Variants in USP16 observed in about 807,000 individuals in gnomAD.
USP16 encodes the protein ubiquitin specific peptidase 16.
Under a neutral mutation model 95.9 loss-of-function variants are expected in USP16, and 77 were observed. The ratio of observed to expected loss-of-function variants is 0.80; its 90% CI spans 0.67 to 0.97. The LOEUF is 0.97. Among genes scored for constraint, USP16 ranks in the 50% least tolerant of loss-of-function variants. The pLI is 0.00. For missense variants in USP16, 943 were observed against 959.9 expected (o/e 0.98, Z 0.23); for synonymous variants, 303 against 318.2 (o/e 0.95, Z 0.51).
Position 29,053,937 on chromosome 21 carries a change from C to G in USP16, c.2329C>G (p.Leu777Val). The G allele has an allele frequency of 6.2e-7, 1 of 1,614,212 alleles. No individual in the cohort carries two copies. The highest frequency in any genetic ancestry group is 8.5e-7 in the Non-Finnish European group (1 of 1,180,034). ...AAATAGTCATCTCTCTAATCTTGTT[C>G]TTCACGGTGATATTCCACAAGGTAA... ...TANSHLSNLVLHGDIPQDFEM... is the reference protein window; with the variant it reads ...TANSHLSNLVVHGDIPQDFEM... The change falls in exon 17 of 18, where the codon CTT (leucine) becomes GTT (valine). Residue 777 changes from leucine to valine, a missense_variant. Physicochemically the swap from Leu to Val is conservative, Grantham distance 32. Coordinates refer to ENST00000399976, the MANE Select transcript of USP16 (RefSeq NM_006447.3).
At chr21:29,026,928 A>G (rs1350083914) in intron 1 of USP16, among the ~76,000 whole-genome samples, 2 of 152,184 alleles carry the variant, frequency 1.3e-5, no homozygotes, top group Admixed American at 6.6e-5. Flanking sequence ...ATAAAGGCCT[A>G]TGAGTGCAAA....
intron 1 of USP16, 157 bp downstream of exon 1, chr21:29,024,934 C>T (rs2084963242): frequency 4.0e-6 from 3 of 748,886 alleles, no homozygotes; most frequent in Admixed American, 4.3e-5. Context: ...TCATTGGCTG[C>T]ATGTTCTGTC....
At position 29,040,640 on chromosome 21, in the gene USP16, G is replaced by T; in HGVS notation, c.983G>T (p.Gly328Val). 6.5e-7 allele frequency: 1 copy of T among 1,542,916 alleles called. No homozygotes were observed. The highest frequency in any genetic ancestry group is 1.1e-5 in the South Asian group (1 of 87,218). Residue 328 changes from glycine to valine, a missense_variant, in exon 10 of 18, where the codon GGT becomes GTT. By Grantham distance (109) the Gly-to-Val change is moderately radical. Coordinates refer to ENST00000399976, the MANE Select transcript of USP16 (RefSeq NM_006447.3). ...AGTAAAGGAATACTTAAAGCATTTGGTAATTCTACTGAAAAGTTGGATGAA... is the reference window on the plus strand; with the variant it reads ...AGTAAAGGAATACTTAAAGCATTTGTTAATTCTACTGAAAAGTTGGATGAA... ...RVSKGILKAF[G>V]NSTEKLDEEL...
intron 2 of USP16, among the ~76,000 whole-genome samples, chr21:29,028,530 G>A (rs943372321): frequency 6.6e-6 from 1 of 152,028 alleles, no homozygotes; most frequent in East Asian, 1.9e-4. Context: ...TTGCCTTGAG[G>A]GTTCAAGCGA....
In USP16 at chr21:29,046,698, A is replaced by G; in HGVS notation, c.1388A>G (p.Lys463Arg). 1 of 1,607,394 alleles carries G rather than the reference A, an allele frequency of 6.2e-7. No homozygotes were observed. The highest frequency in any genetic ancestry group is 8.5e-7 in the Non-Finnish European group (1 of 1,177,468). ...NQRRQQKIQG[K>R]VLHLNDICTI... ...CGAAGACAACAAAAAATTCAAGGAA[A>G]AGTTCTTCATTTAAATGATATTTGT... Residue 463 changes from lysine to arginine, a missense_variant, in exon 14 of 18, where the codon AAA (lysine) becomes AGA (arginine). Transcript: ENST00000399976.
At position 29,036,381 on chromosome 21, in the gene USP16, T is replaced by C; in HGVS notation, c.448+7T>C. On this transcript the variant is annotated splice_region_variant and intron_variant, in intron 5 of 17. Coordinates refer to ENST00000399976, the MANE Select transcript of USP16 (RefSeq NM_006447.3). Reference sequence around the variant, plus strand: ...ATTACAACTCCAAAGCCAGGTAAAATAATTTGTTTCTTTAATATACACCAA... The same window carrying C: ...ATTACAACTCCAAAGCCAGGTAAAACAATTTGTTTCTTTAATATACACCAA... 1 of 1,612,792 alleles carries C rather than the reference T, an allele frequency of 6.2e-7. No homozygotes were observed. The highest frequency in any genetic ancestry group is 8.5e-7 in the Non-Finnish European group (1 of 1,179,312).
chr21:29,034,761 G>A (rs2085128666), intron 3 of USP16, 76 bp from the exon 4 acceptor site: 2 of 1,350,240 alleles, frequency 1.5e-6, no homozygotes, highest in Non-Finnish European at 2.1e-6. Flanking sequence ...CCACTTCCTT[G>A]TTTATGATAG....
chr21:29,048,245 G>C (rs1057042810), intron 14 of USP16, among the ~76,000 whole-genome samples: 7 of 151,964 alleles, frequency 4.6e-5, no homozygotes, highest in African/African-American at 1.7e-4. Context: ...ACCACACCTG[G>C]CTAATTTTTG....
chr21:29,029,725 A>C (rs1406873400), intron 2 of USP16, among the ~76,000 whole-genome samples: 1 of 152,176 alleles, frequency 6.6e-6, no homozygotes, highest in East Asian at 1.9e-4. Flanking sequence ...GACAGCATGC[A>C]CTTTCACATG....
chr21:29,038,271 A>G (rs1334002220), intron 6 of USP16, 64 bp from the exon 7 acceptor site: 1 of 1,057,986 alleles, frequency 9.5e-7, no homozygotes, highest in African/African-American at 1.8e-5. Context: ...TAGACACTTA[A>G]GAAGTGTCAG....
At chr21:29,049,316 G>A (rs1024888688) in intron 15 of USP16, among the ~76,000 whole-genome samples, 1 of 152,096 alleles carries the variant, frequency 6.6e-6, no homozygotes, top group Admixed American at 6.5e-5. Flanking sequence ...AAACTGTGTT[G>A]CAAATTCCGA....
At chr21:29,024,819 G>T (rs1323175188) in intron 1 of USP16, 42 bp downstream of exon 1, 1 of 1,252,064 alleles carries the variant, frequency 8.0e-7, no homozygotes, top group Non-Finnish European at 1.0e-6. Flanking sequence ...CGCTCGCCTG[G>T]CTTTCTGCGC....
intron 15 of USP16, among the ~76,000 whole-genome samples, chr21:29,049,616 A>G (rs73344764): frequency 0.016 from 2,398 of 152,274 alleles, 55 homozygotes; most frequent in African/African-American, 0.055. Flanking sequence ...CTGGTGTGCA[A>G]TGACACGATC....
In USP16 at chr21:29,024,844, T is replaced by C. The variant is rs1355615741; in HGVS notation, c.-42+67T>C. 3.3e-6 allele frequency: 4 copies of C among 1,225,754 alleles called. No homozygotes were observed. In the African/African-American group the frequency reaches 4.7e-5, roughly 14 times the overall value. The allele number at this position is 1,225,754 out of a possible 1,614,324, so 75.9% of individuals were successfully genotyped here. A position where few individuals can be genotyped will look rare whatever the true frequency, so the allele number is the denominator to read the frequency against. On this transcript the variant is annotated intron_variant, in intron 1 of 17. Transcript: ENST00000399976. ...GCTTTCTGCGCTGGGAGAGCTCCTG[T>C]TTTCCGCCCCAACTTCGTTCTCTTC...
chr21:29,042,715 G>GA (rs1003808060), intron 12 of USP16, 187 bp downstream of exon 12: 9 of 509,906 alleles, frequency 1.8e-5, no homozygotes, highest in Admixed American at 8.2e-5. Flanking sequence ...AACAAGGATG[G>GA]AAAAAAAGAT....
At chr21:29,049,093 A>G (rs961504095) in intron 15 of USP16, among the ~76,000 whole-genome samples, 2 of 151,994 alleles carry the variant, frequency 1.3e-5, no homozygotes, top group African/African-American at 4.8e-5. Context: ...TTTTAGTACG[A>G]TTGGCATCTT....
At chr21:29,046,095 G>T (rs2085319131) in intron 13 of USP16, among the ~76,000 whole-genome samples, 2 of 152,178 alleles carry the variant, frequency 1.3e-5, no homozygotes, top group South Asian at 4.2e-4. Context: ...AAGTGCTGGG[G>T]TTACAGGTGT....
intron 3 of USP16, among the ~76,000 whole-genome samples, chr21:29,034,504 G>T (rs994937033): frequency 5.9e-5 from 9 of 151,852 alleles, no homozygotes; most frequent in African/African-American, 2.2e-4. Flanking sequence ...GTAGAGATGG[G>T]GTTTCACCAT....
chr21:29,024,920 G>T, intron 1 of USP16, 143 bp downstream of exon 1: 1 of 845,526 alleles, frequency 1.2e-6, no homozygotes, highest in East Asian at 6.9e-5. Context: ...CCGGTACTGC[G>T]ATCTCATTGG....
Sources: gnomAD v4.1 joint callset for allele counts (sites outside exome capture counted in the v4.1 genomes callset) on GRCh38, gnomAD v4.1.1 for gene constraint, MANE v1.5 for transcripts, NCBI Gene and HGNC (gene_info 2026-07-23, HGNC 2026-07-21) for gene names.